CPVL: variants seen among roughly 807,000 people sequenced by gnomAD.
The protein encoded by CPVL is carboxypeptidase vitellogenic like.
In CPVL, 51 loss-of-function variants were observed where a neutral mutation model predicts 63.7. The observed-to-expected ratio is 0.80, with a 90% confidence interval of 0.64 to 1.01. CPVL has a LOEUF of 1.01. Ranked by LOEUF, CPVL falls within the 50% of genes least tolerant of loss-of-function variation. The pLI is 0.00. For synonymous variants in CPVL, 195 were observed against 206.0 expected, an observed-to-expected ratio of 0.95 and a Z score of 0.46; for missense variants, 530 against 573.1, an observed-to-expected ratio of 0.92 and a Z score of 0.77.
rs150702457 is a variant in CPVL at position 29,178,250 on chromosome 7, C to T, written c.-11+3040G>A. Among the ~76,000 whole-genome samples, 490 of 152,308 alleles carry T rather than the reference C, an allele frequency of 3.2e-3. 4 individuals carry two copies. The Middle Eastern group carries it at 0.041, about 13-fold the overall frequency. On this transcript the variant is annotated intron_variant, in intron 5 of 16. Coordinates refer to the CPVL transcript ENST00000409850. ...CCAAAGTGATCTTTTCAGTATGAAT[C>T]AGAACATGTTATCCCCTTCCTAAAA... is the stretch of plus-strand genomic sequence containing the variant.
intron 2 of CPVL, among the ~76,000 whole-genome samples, chr7:29,113,086 T>A (rs1037068529): frequency 6.6e-6 from 1 of 152,066 alleles, no homozygotes; most frequent in Non-Finnish European, 1.5e-5. Context: ...TAATAAGGTT[T>A]TTTTTAAGTT....
intron 12 of CPVL, among the ~76,000 whole-genome samples, chr7:29,006,980 CAACA>C (rs1395915783): frequency 6.6e-6 from 1 of 152,146 alleles, no homozygotes; most frequent in Non-Finnish European, 1.5e-5. Flanking sequence ...CAAATTAAAA[CAACA>C]AAAAGTTACT....
chr7:29,096,276 C>T, intron 3 of CPVL, 59 bp from the exon 4 acceptor site: 1 of 1,376,928 alleles, frequency 7.3e-7, no homozygotes, highest in Non-Finnish European at 1.0e-6. Context: ...CTACAGAACA[C>T]ACACAAGCAA....
At chr7:29,065,884 T>A (rs931805724) in intron 10 of CPVL, 139 bp downstream of exon 10, 1 of 530,192 alleles carries the variant, frequency 1.9e-6, no homozygotes, top group Non-Finnish European at 3.3e-6. Context: ...TTCTATGGGT[T>A]AGTAGACCAC....
chr7:29,012,051 C>A (rs1332919896), intron 12 of CPVL: 2 of 152,214 alleles, frequency 1.3e-5, no homozygotes, highest in Admixed American at 1.3e-4. Context: ...AGTTCACTGA[C>A]AACTCCTTGA....
At chr7:29,090,954 A>G (rs904553196) in intron 6 of CPVL, among the ~76,000 whole-genome samples, 1 of 152,210 alleles carries the variant, frequency 6.6e-6, no homozygotes, top group African/African-American at 2.4e-5. Flanking sequence ...GCCCATTTGC[A>G]GGTTTTGAAG....
intron 6 of CPVL, among the ~76,000 whole-genome samples, chr7:29,089,774 A>G (rs1428387464): frequency 6.6e-6 from 1 of 152,208 alleles, no homozygotes; most frequent in Non-Finnish European, 1.5e-5. Context: ...CGGACTAGGC[A>G]GTAGCCCTGC....
chr7:29,030,445 G>A, intron 12 of CPVL, 132 bp downstream of exon 12: 1 of 813,748 alleles, frequency 1.2e-6, no homozygotes, highest in Middle Eastern at 2.6e-4. Context: ...TGGAAAGTAG[G>A]GCCACAGAAG....
intron 12 of CPVL, among the ~76,000 whole-genome samples, chr7:29,014,500 T>C (rs1488602723): frequency 6.6e-6 from 1 of 151,448 alleles, no homozygotes; most frequent in Non-Finnish European, 1.5e-5. Context: ...CCTGGTTAAT[T>C]CTTTTAATTT....
intron 1 of CPVL, among the ~76,000 whole-genome samples, chr7:29,132,879 T>C (rs1319175750): frequency 6.6e-6 from 1 of 152,106 alleles, no homozygotes; most frequent in African/African-American, 2.4e-5. Context: ...AAGAAAGACA[T>C]GGTTAATAGT....
chr7:29,108,587 T>C (rs1787951130), intron 3 of CPVL, among the ~76,000 whole-genome samples: 1 of 152,192 alleles, frequency 6.6e-6, no homozygotes, highest in Admixed American at 6.5e-5. Context: ...ATTATTTGTG[T>C]TAATAATTTT....
intron 5 of CPVL, among the ~76,000 whole-genome samples, chr7:29,163,289 A>G (rs1467535224): frequency 6.6e-6 from 1 of 152,174 alleles, no homozygotes; most frequent in Non-Finnish European, 1.5e-5. Context: ...TATGAAAAAC[A>G]TTGTAAAATA....
intron 5 of CPVL, among the ~76,000 whole-genome samples, chr7:29,151,907 A>G (rs1009160680): frequency 6.6e-6 from 1 of 152,248 alleles, no homozygotes; most frequent in African/African-American, 2.4e-5. Context: ...TCACTGGTTG[A>G]AGGAAAGACA....
intron 3 of CPVL, among the ~76,000 whole-genome samples, chr7:29,101,468 G>A (rs571781723): frequency 2.0e-5 from 3 of 152,150 alleles, no homozygotes; most frequent in Non-Finnish European, 4.4e-5. Context: ...GGTGGCGGGC[G>A]CCTGTAGTCC....
At chr7:29,176,367 A>G (rs577173312) in intron 5 of CPVL, among the ~76,000 whole-genome samples, 1 of 152,298 alleles carries the variant, frequency 6.6e-6, no homozygotes, top group African/African-American at 2.4e-5. Context: ...GGAAAAAGAA[A>G]AAAAAATGCC....
chr7:29,138,587 GAGAA>G (rs1791505986), intron 1 of CPVL, among the ~76,000 whole-genome samples: 1 of 152,070 alleles, frequency 6.6e-6, no homozygotes, highest in South Asian at 2.1e-4. Flanking sequence ...GCCATTAACC[GAGAA>G]AGAGAGAGAC....
intron 3 of CPVL, among the ~76,000 whole-genome samples, chr7:29,100,826 A>G (rs1243266910): frequency 6.6e-6 from 1 of 152,284 alleles, no homozygotes; most frequent in East Asian, 1.9e-4. Context: ...CCACACATAC[A>G]TCTTTCTACT....
At chr7:29,141,529 G>A (rs948315904) in intron 1 of CPVL, among the ~76,000 whole-genome samples, 5 of 148,546 alleles carry the variant, frequency 3.4e-5, no homozygotes, top group Non-Finnish European at 7.5e-5. Flanking sequence ...CAGCCTGGGC[G>A]ACAGGGTGAA....
At chr7:29,149,409 G>A (rs1378843680), upstream of CPVL, among the ~76,000 whole-genome samples, 1 of 151,924 alleles carries the variant, frequency 6.6e-6, no homozygotes, top group Non-Finnish European at 1.5e-5. Context: ...GGCCAGGCTG[G>A]TCTCGAACTC....
Sources: allele counts gnomAD v4.1 joint callset (sites outside exome capture counted in the v4.1 genomes callset), GRCh38; gene constraint gnomAD v4.1.1; transcripts MANE v1.5; gene names NCBI Gene and HGNC (gene_info 2026-07-23, HGNC 2026-07-21).